Variants in CEP63 observed in about 807,000 individuals in gnomAD.
The protein encoded by CEP63 is centrosomal protein of 63 kDa.
Under a neutral mutation model 89.1 loss-of-function variants are expected in CEP63, and 84 were observed. That is an observed-to-expected ratio of 0.94 (90% CI 0.79 to 1.13). The LOEUF (loss-of-function observed/expected upper bound fraction) is 1.13, where lower values mean the gene tolerates loss of function less well. Ranked by LOEUF, CEP63 falls within the 50% of genes most tolerant of loss-of-function variation. The pLI, the probability that CEP63 is intolerant of heterozygous loss-of-function variation, is 0.00. For synonymous variants in CEP63, 267 were observed against 272.5 expected, an observed-to-expected ratio of 0.98 and a Z score of 0.20; for missense variants, 838 against 813.3, an observed-to-expected ratio of 1.03 and a Z score of -0.37.
At chr3:134,607,691 G>C in the CEP63 span, 1 of 985,728 alleles carries the variant, frequency 1.0e-6, no homozygotes, top group Non-Finnish European at 1.2e-6. Context: ...GGCAGCCCCC[G>C]TATGCCTCAG....
the CEP63 span, among the ~76,000 whole-genome samples, chr3:134,715,538 GT>G: frequency 2.5e-4 from 1 of 4,036 alleles, no homozygotes; most frequent in Non-Finnish European, 4.4e-4. Flanking sequence ...GTTTTTTTTT[GT>G]TTTTTCCTCT....
chr3:134,486,005 C>CCCCCCCCCCCA, upstream of CEP63: 1 of 985,010 alleles, frequency 1.0e-6, no homozygotes, highest in African/African-American at 1.7e-5. Context: ...CCCCCCCCTC[C>CCCCCCCCCCCA]CCCGCATCAC....
chr3:134,709,634 A>G, the CEP63 span, among the ~76,000 whole-genome samples: 1 of 152,206 alleles, frequency 6.6e-6, no homozygotes, highest in Admixed American at 6.5e-5. Flanking sequence ...TCTTACATGA[A>G]TAAATGGACA....
chr3:134,756,738 G>A, the CEP63 span, among the ~76,000 whole-genome samples: 1 of 152,158 alleles, frequency 6.6e-6, no homozygotes, highest in African/African-American at 2.4e-5. Flanking sequence ...ATACATTTGA[G>A]AAACCAGTAC....
chr3:134,561,258 A>G (rs986406159), intron 14 of CEP63, 119 bp from the exon 15 acceptor site: 7 of 1,065,204 alleles, frequency 6.6e-6, no homozygotes, highest in African/African-American at 6.3e-5. Context: ...CCAAAAAAGT[A>G]TCTTCAGAGG....
the CEP63 span, among the ~76,000 whole-genome samples, chr3:134,717,502 T>G: frequency 6.6e-6 from 1 of 152,180 alleles, no homozygotes; most frequent in Non-Finnish European, 1.5e-5. Flanking sequence ...TAGAGTAGTG[T>G]AGAAGAGTTG....
At chr3:134,652,668 A>G in the CEP63 span, among the ~76,000 whole-genome samples, 2 of 152,052 alleles carry the variant, frequency 1.3e-5, no homozygotes, top group African/African-American at 2.4e-5. Context: ...GCGCGCGCGC[A>G]CACCTGGGAG....
At chr3:134,508,643 T>A (rs1227771908) in intron 3 of CEP63, among the ~76,000 whole-genome samples, 1 of 152,218 alleles carries the variant, frequency 6.6e-6, no homozygotes, top group African/African-American at 2.4e-5. Context: ...TTGAACTTAT[T>A]CCTGTGGCTT....
the CEP63 span, among the ~76,000 whole-genome samples, chr3:134,700,600 T>A: frequency 6.6e-6 from 1 of 152,144 alleles, no homozygotes; most frequent in Non-Finnish European, 1.5e-5. Context: ...AACCACGGAA[T>A]AAGAAGATTT....
downstream of CEP63, among the ~76,000 whole-genome samples, chr3:134,579,645 A>G (rs1009952409): frequency 6.6e-6 from 1 of 152,198 alleles, no homozygotes; most frequent in African/African-American, 2.4e-5. Flanking sequence ...TTTTCATATT[A>G]TGAAAGGGTA....
intron 6 of CEP63, among the ~76,000 whole-genome samples, chr3:134,544,636 T>TGGGC (rs1553774712): frequency 2.8e-5 from 4 of 145,328 alleles, no homozygotes; most frequent in African/African-American, 1.0e-4. Context: ...ATGCTCTAGG[T>TGGGC]GGGGGGGGGA....
chr3:134,659,493 G>A, the CEP63 span, among the ~76,000 whole-genome samples: 222 of 152,308 alleles, frequency 1.5e-3, 1 homozygote, highest in African/African-American at 5.1e-3. Context: ...TTGAGAAATC[G>A]GTGCACACAG....
At chr3:134,557,376 G>GTTTTTTTTTTTTTTTTTTTTTTTTT (rs199930556) in intron 12 of CEP63, among the ~76,000 whole-genome samples, 3 of 101,498 alleles carry the variant, frequency 3.0e-5, no homozygotes, top group Non-Finnish European at 3.7e-5. Context: ...TTCATAATTT[G>GTTTTTTTTTTTTTTTTTTTTTTTTT]TTTTTTTTTT....
At chr3:134,720,985 A>C in the CEP63 span, among the ~76,000 whole-genome samples, 1 of 152,080 alleles carries the variant, frequency 6.6e-6, no homozygotes, top group Non-Finnish European at 1.5e-5. Flanking sequence ...ACATGAATTT[A>C]GCTCTCATTT....
At position 134,546,164 on chromosome 3, in the gene CEP63, AAG is replaced by A; in HGVS notation, c.811_812del (p.Glu271IlefsTer14). On this transcript the variant is annotated frameshift_variant, in exon 8 of 15. Coordinates refer to ENST00000675561, the MANE Select transcript of CEP63 (RefSeq NM_001353108.3). LOFTEE classifies it high-confidence loss of function. ...EKLLEALQEE[K>X]RELKAALQSQ... Reference sequence around the variant, plus strand: ...TTTTTTGCAGGCTCTGCAGGAAGAAAAGAGAGAATTGAAGGCAGCTCTTCAGT... The same window carrying A: ...TTTTTTGCAGGCTCTGCAGGAAGAAAAGAGAATTGAAGGCAGCTCTTCAGT... 6.2e-6 allele frequency: 10 copies of A among 1,613,900 alleles called. No homozygotes were observed. The highest frequency in any genetic ancestry group is 8.5e-6 in the Non-Finnish European group (10 of 1,179,936).
At chr3:134,726,412 T>C in the CEP63 span, among the ~76,000 whole-genome samples, 3 of 151,174 alleles carry the variant, frequency 2.0e-5, no homozygotes, top group African/African-American at 4.9e-5. Flanking sequence ...TTGAATGAGG[T>C]GCTCTGTAAC....
chr3:134,706,110 A>G, the CEP63 span, among the ~76,000 whole-genome samples: 10 of 152,142 alleles, frequency 6.6e-5, no homozygotes, highest in Non-Finnish European at 1.3e-4. Context: ...GAGAGGACAG[A>G]ACTAAGTGGT....
the CEP63 span, among the ~76,000 whole-genome samples, chr3:134,757,660 T>C: frequency 1.3e-5 from 2 of 151,994 alleles, no homozygotes; most frequent in African/African-American, 2.4e-5. Context: ...TGCACATGCA[T>C]GTATAGGAGA....
At chr3:134,500,407 C>T (rs1251576560) in intron 2 of CEP63, among the ~76,000 whole-genome samples, 4 of 149,864 alleles carry the variant, frequency 2.7e-5, no homozygotes, top group East Asian at 2.0e-4. Context: ...AACATGTGAG[C>T]GCATGTGTCT....
Sources: gnomAD v4.1 joint callset for allele counts (sites outside exome capture counted in the v4.1 genomes callset) on GRCh38, gnomAD v4.1.1 for gene constraint, MANE v1.5 for transcripts, NCBI Gene and HGNC (gene_info 2026-07-23, HGNC 2026-07-21) for gene names.